SH2D4A: variants seen among roughly 807,000 people sequenced by gnomAD.
The protein encoded by SH2D4A is SH2 domain containing 4A.
In SH2D4A, 70 loss-of-function variants were observed where a neutral mutation model predicts 64.7. That is an observed-to-expected ratio of 1.08 (90% CI 0.89 to 1.32). The LOEUF is 1.32. Ranked by LOEUF, SH2D4A falls within the 40% of genes most tolerant of loss-of-function variation. The probability of loss-of-function intolerance (pLI) is 0.00; values close to 1 mark genes in which losing one functional copy is unlikely to be tolerated. For synonymous variants in SH2D4A, 268 were observed against 200.7 expected (o/e 1.34, Z -2.83); for missense variants, 706 against 540.1 (o/e 1.31, Z -3.04).
At chr8:19,388,394 TTCTG>T (rs1384058087) in intron 8 of SH2D4A, among the ~76,000 whole-genome samples, 2 of 152,204 alleles carry the variant, frequency 1.3e-5, no homozygotes, top group South Asian at 4.1e-4. Flanking sequence ...AAAGCAGGTG[TTCTG>T]TCTGAGAGAA....
chr8:19,338,269 A>C (rs1367340062), intron 4 of SH2D4A, among the ~76,000 whole-genome samples: 18 of 152,028 alleles, frequency 1.2e-4, no homozygotes, highest in Admixed American at 1.2e-3. Context: ...TGCATCCCTC[A>C]CCTCCTCGTG....
intron 7 of SH2D4A, 25 bp downstream of exon 7, chr8:19,364,307 A>T: frequency 6.2e-7 from 1 of 1,610,822 alleles, no homozygotes; most frequent in Non-Finnish European, 8.5e-7. Context: ...AGATGGGTTT[A>T]TGCATAAACA....
At chr8:19,333,547 G>T (rs188221926) in intron 3 of SH2D4A, among the ~76,000 whole-genome samples, 14 of 152,150 alleles carry the variant, frequency 9.2e-5, no homozygotes, top group Non-Finnish European at 1.5e-4. Flanking sequence ...CAAGCTTCAG[G>T]CCTTCCAAGG....
intron 4 of SH2D4A, among the ~76,000 whole-genome samples, chr8:19,337,776 C>T (rs899400585): frequency 1.3e-5 from 2 of 152,150 alleles, no homozygotes; most frequent in Admixed American, 1.3e-4. Context: ...CTCACTATCA[C>T]AAGAACACCA....
chr8:19,383,656 A>T (rs2153651423), intron 8 of SH2D4A, among the ~76,000 whole-genome samples: 1 of 151,846 alleles, frequency 6.6e-6, no homozygotes, highest in Non-Finnish European at 1.5e-5. Flanking sequence ...TTTTATTGTT[A>T]TAGGCTTTCT....
chr8:19,386,742 T>G (rs1306346432), intron 8 of SH2D4A, among the ~76,000 whole-genome samples: 2 of 152,336 alleles, frequency 1.3e-5, no homozygotes, highest in African/African-American at 2.4e-5. Context: ...ATTTAGTATT[T>G]TAAAAGCCAT....
intron 4 of SH2D4A, among the ~76,000 whole-genome samples, chr8:19,344,083 C>T (rs1217250758): frequency 2.0e-5 from 3 of 152,218 alleles, no homozygotes; most frequent in Non-Finnish European, 4.4e-5. Context: ...TAGATGCTAA[C>T]AGGTCACCTT....
chr8:19,351,319 C>G (rs531069663), intron 4 of SH2D4A, among the ~76,000 whole-genome samples: 1 of 152,104 alleles, frequency 6.6e-6, no homozygotes, highest in Non-Finnish European at 1.5e-5. Flanking sequence ...GAAACTAGAT[C>G]TCTGCTGGGC....
chr8:19,391,242 A>G (rs2053487529), intron 8 of SH2D4A, among the ~76,000 whole-genome samples: 1 of 152,106 alleles, frequency 6.6e-6, no homozygotes, highest in South Asian at 2.1e-4. Context: ...TATCAATGGG[A>G]CCAGGTATGC....
At chr8:19,374,822 C>A (rs1230049968) in intron 8 of SH2D4A, among the ~76,000 whole-genome samples, 1 of 152,104 alleles carries the variant, frequency 6.6e-6, no homozygotes, top group Admixed American at 6.6e-5. Flanking sequence ...ACAGAAAGAA[C>A]ATGGGCCAAT....
At chr8:19,350,576 C>T (rs2052686064) in intron 4 of SH2D4A, among the ~76,000 whole-genome samples, 1 of 152,100 alleles carries the variant, frequency 6.6e-6, no homozygotes, top group Admixed American at 6.5e-5. Flanking sequence ...CTGACCTCCC[C>T]AGGCTCAGGT....
At chr8:19,364,644 G>C (rs1369627307) in intron 7 of SH2D4A, among the ~76,000 whole-genome samples, 1 of 151,936 alleles carries the variant, frequency 6.6e-6, no homozygotes, top group African/African-American at 2.4e-5. Context: ...GAAACAAGTG[G>C]GGTTTCACTG....
Position 19,334,808 on chromosome 8 carries a change from T to C in SH2D4A, c.464T>C (p.Leu155Pro), listed in dbSNP as rs1246988472. ...AAGAAAGTGGCAGAAAAGGAGGAACTGGAGCAAGGATCGAGGCCAGCACCA... is the reference window on the plus strand; with the variant it reads ...AAGAAAGTGGCAGAAAAGGAGGAACCGGAGCAAGGATCGAGGCCAGCACCA... ...IWKKVAEKEE[L>P]EQGSRPAPTL... The change falls in exon 4 of 10, where the codon CTG becomes CCG. Residue 155 changes from leucine to proline, a missense_variant. Physicochemically the swap from Leu to Pro is moderately conservative, Grantham distance 98 (BLOSUM62 -3). Transcript: ENST00000265807. The C allele has an allele frequency of 1.9e-6, 3 of 1,613,956 alleles. No homozygotes were observed. The highest frequency in any genetic ancestry group is 2.5e-6 in the Non-Finnish European group (3 of 1,179,966).
intron 4 of SH2D4A, among the ~76,000 whole-genome samples, chr8:19,353,431 G>T (rs2052738574): frequency 6.7e-6 from 1 of 149,374 alleles, no homozygotes; most frequent in Non-Finnish European, 1.5e-5. Context: ...TACAGTGGCA[G>T]CATCTTGACA....
At chr8:19,317,681 A>G (rs7006741) in intron 1 of SH2D4A, among the ~76,000 whole-genome samples, 111,047 of 151,962 alleles carry the variant, frequency 0.73, 40,696 homozygotes, top group Middle Eastern at 0.79. Flanking sequence ...AGGCCCCCAG[A>G]TGGTGAGAGG....
In SH2D4A at chr8:19,334,813, C is replaced by G; in HGVS notation, c.469C>G (p.Gln157Glu). Residue 157 changes from glutamine to glutamate, a missense_variant, in exon 4 of 10, where the codon CAA becomes GAA. Coordinates refer to ENST00000265807, the MANE Select transcript of SH2D4A (RefSeq NM_022071.4). ...KKVAEKEELEQGSRPAPTLEE... is the reference protein window; with the variant it reads ...KKVAEKEELEEGSRPAPTLEE... ...AGTGGCAGAAAAGGAGGAACTGGAG[C>G]AAGGATCGAGGCCAGCACCAACCCT... The G allele has an allele frequency of 6.2e-7, 1 of 1,613,930 alleles. No homozygotes were observed. Among genetic ancestry groups the G allele is most frequent in the South Asian group, 1.1e-5 (1 of 91,046 alleles).
chr8:19,332,390 C>A (rs1238268835), intron 2 of SH2D4A, among the ~76,000 whole-genome samples: 1 of 152,158 alleles, frequency 6.6e-6, no homozygotes, highest in Non-Finnish European at 1.5e-5. Context: ...AATCCCAGCA[C>A]TTTGGCAGGC....
chr8:19,379,490 T>C (rs374204446), intron 8 of SH2D4A, among the ~76,000 whole-genome samples: 66 of 152,354 alleles, frequency 4.3e-4, no homozygotes, highest in African/African-American at 1.5e-3. Context: ...GGTGTAGAAA[T>C]AGCTCTTCCA....
chr8:19,313,831 C>G lies in SH2D4A; in HGVS notation c.-205+8C>G, dbSNP rs1156338439. The G allele has an allele frequency of 6.7e-7, 1 of 1,486,100 alleles. No homozygotes were observed. Among genetic ancestry groups the G allele is most frequent in the South Asian group, 1.3e-5 (1 of 79,526 alleles). The allele number at this position is 1,486,100 out of a possible 1,614,324, so 92.1% of individuals were successfully genotyped here. A position where few individuals can be genotyped will look rare whatever the true frequency, so the allele number is the denominator to read the frequency against. On this transcript the variant is annotated splice_region_variant and intron_variant, in intron 1 of 9. Transcript: ENST00000265807. Reference sequence around the variant, plus strand: ...CAGGGGCGCCCAGCACTGGTAGGTGCTGGGGGTGGGGCGAGGCTTTGGGGA... The same window carrying G: ...CAGGGGCGCCCAGCACTGGTAGGTGGTGGGGGTGGGGCGAGGCTTTGGGGA...
Sources: allele counts gnomAD v4.1 joint callset (sites outside exome capture counted in the v4.1 genomes callset), GRCh38; gene constraint gnomAD v4.1.1; transcripts MANE v1.5; gene names NCBI Gene and HGNC (gene_info 2026-07-23, HGNC 2026-07-21).